Variants in BMPR2 observed in about 807,000 individuals in gnomAD.
BMPR2 encodes the protein bone morphogenetic protein receptor type-2.
Under a neutral mutation model 100.8 loss-of-function variants are expected in BMPR2, and 29 were observed. That is an observed-to-expected ratio of 0.29 (90% CI 0.21 to 0.39). The LOEUF is 0.39. Ranked by LOEUF, BMPR2 falls within the 10% of genes least tolerant of loss-of-function variation. The pLI is 1.00. For synonymous variants in BMPR2, 382 were observed against 442.3 expected, an observed-to-expected ratio of 0.86 and a Z score of 1.71; for missense variants, 1,011 against 1,274.5, an observed-to-expected ratio of 0.79 and a Z score of 3.15.
intron 9 of BMPR2, among the ~76,000 whole-genome samples, chr2:202,540,054 TG>T (rs1204486177): frequency 6.6e-6 from 1 of 152,154 alleles, no homozygotes; most frequent in African/African-American, 2.4e-5. Context: ...AAGTTTCTAT[TG>T]AACAATTAGA....
chr2:202,459,408 G>A (rs1316593307), intron 1 of BMPR2, among the ~76,000 whole-genome samples: 1 of 152,136 alleles, frequency 6.6e-6, no homozygotes, highest in Non-Finnish European at 1.5e-5. Flanking sequence ...TGTCATGGGG[G>A]TTTGTTGTAC....
chr2:202,476,404 A>G (rs962522645), intron 3 of BMPR2, among the ~76,000 whole-genome samples: 2 of 152,226 alleles, frequency 1.3e-5, no homozygotes, highest in Non-Finnish European at 2.9e-5. Flanking sequence ...CAGACGTACT[A>G]TAATAGAGTC....
chr2:202,542,947 C>T (rs1239993420), intron 10 of BMPR2, among the ~76,000 whole-genome samples: 2 of 151,820 alleles, frequency 1.3e-5, no homozygotes, highest in African/African-American at 2.4e-5. Flanking sequence ...GAGGCCGAGG[C>T]GGGCAGATTG....
intron 1 of BMPR2, among the ~76,000 whole-genome samples, chr2:202,435,219 C>T (rs574295286): frequency 6.8e-6 from 1 of 146,548 alleles, no homozygotes; most frequent in South Asian, 2.1e-4. Context: ...AAAAAATTAG[C>T]CAGGTGTGGT....
chr2:202,483,188 AT>A (rs1468136341), intron 3 of BMPR2, among the ~76,000 whole-genome samples: 5 of 151,948 alleles, frequency 3.3e-5, no homozygotes, highest in Non-Finnish European at 7.4e-5. Flanking sequence ...TCCTTTGCCC[AT>A]TTTTTAATTG....
At chr2:202,522,281 G>A (rs562881515) in intron 7 of BMPR2, among the ~76,000 whole-genome samples, 1 of 152,300 alleles carries the variant, frequency 6.6e-6, no homozygotes, top group South Asian at 2.1e-4. Context: ...GCCGAGGTGG[G>A]CGGATCACAA....
At position 202,377,273 on chromosome 2, in the gene BMPR2, GGA is replaced by G; in HGVS notation, c.-197_-196del. 3.1e-6 allele frequency: 2 copies of G among 643,578 alleles called. No homozygotes were observed. Among genetic ancestry groups the G allele is most frequent in the South Asian group, 3.6e-5 (2 of 56,218 alleles). 39.9% of individuals were successfully genotyped at this position (643,578 alleles called of 1,614,324 possible). A position where few individuals can be genotyped will look rare whatever the true frequency, so the allele number is the denominator to read the frequency against. On this transcript the variant is annotated 5_prime_UTR_variant, in exon 1 of 13. An upstream open reading frame in the 5' UTR loses its in-frame stop. Coordinates refer to ENST00000374580, the MANE Select transcript of BMPR2 (RefSeq NM_001204.7). ...GCGAAGGAACCCCCCCAGCCGCGAG[GGA>G]GAGAAATGAAGGGAATTTCTGCAGC...
chr2:202,465,682 C>T (rs548324730), intron 2 of BMPR2, among the ~76,000 whole-genome samples: 106 of 151,520 alleles, frequency 7.0e-4, no homozygotes, highest in African/African-American at 2.5e-3. Context: ...CACAGTGAAA[C>T]CCCGTCTCTA....
At chr2:202,523,082 G>T (rs1386480200) in intron 7 of BMPR2, among the ~76,000 whole-genome samples, 1 of 152,058 alleles carries the variant, frequency 6.6e-6, no homozygotes, top group African/African-American at 2.4e-5. Flanking sequence ...GACATGAATA[G>T]ACACTTCCCA....
At position 202,520,096 on chromosome 2, in the gene BMPR2, T is replaced by G. The variant is rs778307776; in HGVS notation, c.862T>G (p.Cys288Gly). The change falls in exon 7 of 13, where the codon TGC (cysteine) becomes GGC (glycine). Residue 288 changes from cysteine to glycine, a missense_variant. Physicochemically the swap from Cys to Gly is radical, Grantham distance 159 (BLOSUM62 -3). Transcript: ENST00000374580. Reference protein sequence around the residue: ...VMEYYPNGSLCKYLSLHTSDW... With the variant: ...VMEYYPNGSLGKYLSLHTSDW... ...TTTTTCCTCTATATAGGGATCTTTA[T>G]GCAAGTATTTAAGTCTCCACACAAG... 6.2e-7 allele frequency: 1 copy of G among 1,610,652 alleles called. No individual in the cohort carries two copies.
rs999451508 is a variant in BMPR2, at chr2:202,376,457, C to T, written c.-1018C>T. ...TCATCCGCCCTCCCGCCGCCCCCCG[C>T]CCTCGGTCCGCGACGCCCGAGTTCC... On this transcript the variant is annotated 5_prime_UTR_variant, in exon 1 of 13. Coordinates refer to ENST00000374580, the MANE Select transcript of BMPR2 (RefSeq NM_001204.7). Among the ~76,000 whole-genome samples, 2 of 146,400 alleles carry T rather than the reference C, an allele frequency of 1.4e-5. No homozygotes were observed. Among genetic ancestry groups the T allele is most frequent in the Non-Finnish European group, 3.0e-5 (2 of 66,234 alleles).
At chr2:202,554,232 A>G (rs1688525925) in intron 11 of BMPR2, among the ~76,000 whole-genome samples, 1 of 152,080 alleles carries the variant, frequency 6.6e-6, no homozygotes, top group Non-Finnish European at 1.5e-5. Context: ...CATGTCCTCT[A>G]GTATGATGTT....
rs760716868 is a variant in BMPR2 at position 202,503,049 on chromosome 2, G to A, written c.419-10670G>A. Among the ~76,000 whole-genome samples the A allele has an allele frequency of 5.3e-5, 8 of 152,336 alleles. No homozygotes were observed. Reference sequence around the variant, plus strand: ...AACTTCTACTGAGGACTCCTGGACCGACCCTCTGGCACTTCCCCTGGCCTA... The same window carrying A: ...AACTTCTACTGAGGACTCCTGGACCAACCCTCTGGCACTTCCCCTGGCCTA... On this transcript the variant is annotated intron_variant, in intron 3 of 12. Transcript: ENST00000374580. The surrounding 1 kb of genome is among the most constrained non-coding windows in gnomAD (Gnocchi z 4.0).
At chr2:202,462,723 GT>G (rs1190951511) in intron 1 of BMPR2, among the ~76,000 whole-genome samples, 2 of 143,796 alleles carry the variant, frequency 1.4e-5, no homozygotes, top group Non-Finnish European at 3.0e-5. Flanking sequence ...TGTTGTTTTT[GT>G]TTTTTGAGAT....
intron 3 of BMPR2, among the ~76,000 whole-genome samples, chr2:202,479,610 G>A (rs1390929130): frequency 6.6e-6 from 1 of 152,070 alleles, no homozygotes; most frequent in African/African-American, 2.4e-5. Flanking sequence ...TTAAGTATTT[G>A]TATTTACACA....
At position 202,528,494 on chromosome 2, in the gene BMPR2, C is replaced by T. The variant is rs139082336; in HGVS notation, c.968-2300C>T. On this transcript the variant is annotated intron_variant, in intron 7 of 12. Transcript: ENST00000374580. ...GAGCCAGCACGCCTGGCCAGAGACC[C>T]TGTTTTAAAAAAATGAAAGAAAGAA... Among the ~76,000 whole-genome samples, 688 of 152,172 alleles carry T rather than the reference C, an allele frequency of 4.5e-3. 6 individuals carry two copies. The highest frequency in any genetic ancestry group is 0.016 in the African/African-American group (658 of 41,518).
At chr2:202,414,127 A>G (rs1383152914) in intron 1 of BMPR2, among the ~76,000 whole-genome samples, 1 of 152,160 alleles carries the variant, frequency 6.6e-6, no homozygotes, top group South Asian at 2.1e-4. Flanking sequence ...TTCCAACAGC[A>G]TGTGCTCTTT....
intron 1 of BMPR2, among the ~76,000 whole-genome samples, chr2:202,423,348 G>A (rs1172032722): frequency 6.6e-6 from 1 of 152,224 alleles, no homozygotes; most frequent in East Asian, 1.9e-4. Flanking sequence ...GTCCAAAAGT[G>A]ACCATGTGAG....
At chr2:202,467,422 A>T in intron 2 of BMPR2, 97 bp from the exon 3 acceptor site, 1 of 1,045,502 alleles carries the variant, frequency 9.6e-7, no homozygotes, top group Non-Finnish European at 1.5e-6. Context: ...GCTTACACGT[A>T]CTCTCACATT....
Sources: gnomAD v4.1 joint callset for allele counts (sites outside exome capture counted in the v4.1 genomes callset) on GRCh38, gnomAD v4.1.1 for gene constraint, Gnocchi (gnomAD v3.1) non-coding constraint, MANE v1.5 for transcripts, NCBI Gene and HGNC (gene_info 2026-07-23, HGNC 2026-07-21) for gene names.